The following LTN1 variants were observed in gnomAD, a reference collection of about 807,000 sequenced individuals.
LTN1 encodes E3 ubiquitin-protein ligase listerin.
LTN1 carries 88 observed loss-of-function variants against 201.2 expected under a neutral mutation model. That is an observed-to-expected ratio of 0.44 (90% confidence interval 0.37 to 0.52). The LOEUF (loss-of-function observed/expected upper bound fraction) is 0.52, where lower values mean the gene tolerates loss of function less well. Among genes scored for constraint, LTN1 ranks in the 20% least tolerant of loss-of-function variants. LTN1 has a pLI of 0.00. For missense variants in LTN1, 1,752 were observed against 2,038.7 expected, an observed-to-expected ratio of 0.86 and a Z score of 2.71; for synonymous variants, 645 against 713.5, an observed-to-expected ratio of 0.90 and a Z score of 1.53.
intron 17 of LTN1, 105 bp from the exon 18 acceptor site, chr21:28,952,369 CT>C: frequency 1.6e-6 from 1 of 616,616 alleles, no homozygotes; most frequent in South Asian, 2.5e-5. Context: ...AATAAAGCAC[CT>C]TGTGATGGCA....
intron 7 of LTN1, 49 bp downstream of exon 7, chr21:28,971,222 A>G: frequency 7.1e-7 from 1 of 1,402,086 alleles, no homozygotes; most frequent in East Asian, 2.5e-5. Context: ...GGATATTCTT[A>G]TCTCATAGGT....
chr21:28,970,948 G>A (rs1213800469), intron 7 of LTN1, among the ~76,000 whole-genome samples: 1 of 152,072 alleles, frequency 6.6e-6, no homozygotes, highest in Non-Finnish European at 1.5e-5. Context: ...TTACAATAAA[G>A]TATTGATTAG....
chr21:28,980,803 A>G (rs9978844), intron 6 of LTN1, among the ~76,000 whole-genome samples: 8,011 of 152,248 alleles, frequency 0.053, 477 homozygotes, highest in East Asian at 0.16. Context: ...CAGTGAAAGT[A>G]GAGAATGGAG....
At chr21:28,985,202 A>G (rs567867021) in intron 3 of LTN1, among the ~76,000 whole-genome samples, 13 of 152,284 alleles carry the variant, frequency 8.5e-5, no homozygotes, top group African/African-American at 3.1e-4. Flanking sequence ...GCTCGTGCCT[A>G]TAATCTCAGT....
At chr21:28,974,813 T>G (rs1325009438) in intron 6 of LTN1, among the ~76,000 whole-genome samples, 1 of 152,192 alleles carries the variant, frequency 6.6e-6, no homozygotes, top group Non-Finnish European at 1.5e-5. Context: ...TTTTAAAATT[T>G]TTTTAGAGAT....
Position 28,971,297 on chromosome 21 carries a change from C to T in LTN1, c.958G>A (p.Val320Ile), listed in dbSNP as rs1406531947. 6.2e-7 allele frequency: 1 copy of T among 1,613,774 alleles called. No individual in the cohort carries two copies. Among genetic ancestry groups the T allele is most frequent in the Non-Finnish European group, 8.5e-7 (1 of 1,179,890 alleles). Residue 320 changes from valine (V) to isoleucine (I), a missense_variant, in exon 7 of 30, where the codon GTA (valine) becomes ATA (isoleucine). Val to Ile is a conservative substitution (Grantham distance 29). Around this residue, in one of 3 missense-constraint regions of LTN1, gnomAD observed 280 missense variants for 375.7 expected, o/e 0.75. Coordinates refer to ENST00000361371, the MANE Select transcript of LTN1 (RefSeq NM_015565.3). Reference sequence around the variant, plus strand: ...TCAATAGTTGTAAGTGTATAGAGTACAGCTTCCCAGAGAGCTGGGCAGACA... The same window carrying T: ...TCAATAGTTGTAAGTGTATAGAGTATAGCTTCCCAGAGAGCTGGGCAGACA... ...PIVCPALWEA[V>I]LYTLTTIEDC... is the part of the protein sequence containing the mutation.
chr21:28,940,581 A>G (rs893620770), intron 25 of LTN1, among the ~76,000 whole-genome samples: 4 of 152,114 alleles, frequency 2.6e-5, no homozygotes, highest in African/African-American at 9.7e-5. Context: ...AAAAAAAAAC[A>G]AAAAACACAA....
rs556879248 is a variant in LTN1 at position 28,982,518 on chromosome 21, T to C, written c.577-150A>G. ...GAATCAAATAGCAAAACTGAAAGGT[T>C]TGAATTTTACCAATTTTCCTTTTCC... On this transcript the variant is annotated intron_variant, in intron 4 of 29. Transcript: ENST00000361371. 60 of 627,568 alleles carry C rather than the reference T, an allele frequency of 9.6e-5. 3 individuals are homozygous for C. The South Asian group carries it at 1.1e-3, about 12-fold the overall frequency. 38.9% of individuals were successfully genotyped at this position (627,568 alleles called of 1,614,324 possible).
Position 28,966,406 on chromosome 21 carries a change from A to G in LTN1, c.2085T>C (p.Asp695=), listed in dbSNP as rs146087919. The G allele has an allele frequency of 4.3e-6, 7 of 1,609,578 alleles. No individual in the cohort carries two copies. The East Asian group carries it at 1.6e-4, about 36-fold the overall frequency. The part of the protein sequence containing the change: ...LYSALRCCDN[D]MERKKVLDDL... The stretch of plus-strand genomic sequence containing the variant: ...CATCCAAGACTTTTTTTCTTTCCAT[A>G]TCATTGTCACAGCACCGGAGAGCAC... The change falls in exon 10 of 30, where the codon GAT becomes GAC. Residue 695 remains aspartate (D), a synonymous_variant. Coordinates refer to ENST00000361371, the MANE Select transcript of LTN1 (RefSeq NM_015565.3).
Position 28,945,706 on chromosome 21 carries a change from C to A in LTN1, c.3768+101G>T, listed in dbSNP as rs528641486. ...AGTGTTTTAAATTATACAAAGGAAC[C>A]AATTACAATCATCACTTAAAGAATG... On this transcript the variant is annotated intron_variant, in intron 21 of 29. Transcript: ENST00000361371. The A allele has an allele frequency of 3.4e-4, 355 of 1,057,624 alleles. 1 individual carries two copies. In the African/African-American group the frequency reaches 5.1e-3, roughly 15 times the overall value. 65.5% of individuals were successfully genotyped at this position (1,057,624 alleles called of 1,614,324 possible). A position where few individuals can be genotyped will look rare whatever the true frequency, so the allele number is the denominator to read the frequency against.
rs1267885016 is a variant in LTN1, at chr21:28,960,703, A to G, written c.2167T>C (p.Cys723Arg). ...NSLLKIIEKACPSSDKHALVT... is the reference protein window; with the variant it reads ...NSLLKIIEKARPSSDKHALVT... ...AAAGCATGTTTATCTGAACTAGGACATGCCTAAAACCATAAAATTAAAGCA... is the reference window on the plus strand; with the variant it reads ...AAAGCATGTTTATCTGAACTAGGACGTGCCTAAAACCATAAAATTAAAGCA... The change falls in exon 12 of 30, where the codon TGT (cysteine) becomes CGT (arginine). Residue 723 changes from cysteine to arginine, a missense_variant. Transcript: ENST00000361371. 1.2e-6 allele frequency: 2 copies of G among 1,610,386 alleles called. No homozygotes were observed. The highest frequency in any genetic ancestry group is 1.7e-6 in the Non-Finnish European group (2 of 1,177,680).
chr21:28,935,478 C>T (rs2084247648), intron 26 of LTN1, 149 bp from the exon 27 acceptor site: 1 of 605,352 alleles, frequency 1.7e-6, no homozygotes, highest in Non-Finnish European at 2.9e-6. Flanking sequence ...GAAACCAGAA[C>T]TCTGGAGTAT....
intron 4 of LTN1, among the ~76,000 whole-genome samples, chr21:28,983,105 T>C (rs553999515): frequency 1.5e-3 from 231 of 152,334 alleles, no homozygotes; most frequent in Non-Finnish European, 2.6e-3. Context: ...TCTATAATGC[T>C]GACATTTTGA....
intron 11 of LTN1, 162 bp from the exon 12 acceptor site, chr21:28,960,868 T>C (rs2084472315): frequency 1.8e-6 from 1 of 562,816 alleles, no homozygotes; most frequent in African/African-American, 1.9e-5. Flanking sequence ...ATCCTCCCTG[T>C]TCCCCATTAA....
At chr21:28,944,011 G>A in intron 22 of LTN1, 107 bp from the exon 23 acceptor site, 1 of 640,394 alleles carries the variant, frequency 1.6e-6, no homozygotes, top group Admixed American at 2.4e-5. Context: ...ATAAAAACTA[G>A]ACATAAACAA....
chr21:28,957,405 A>G lies in LTN1; in HGVS notation c.2819T>C (p.Met940Thr). ...TLLESEDSYL[M>T]GVYIGSVMPN... ...CATTACACTTCCAATATAAACTCCC[A>G]TAAGATAAGAATCTTCACTCTCTAG... Residue 940 changes from methionine to threonine, a missense_variant, in exon 15 of 30, where the codon ATG (methionine) becomes ACG (threonine). By Grantham distance (81) the Met-to-Thr change is moderately conservative (BLOSUM62 -1). Around this residue, in one of 3 missense-constraint regions of LTN1, gnomAD observed 1,211 missense variants for 1,312.8 expected, o/e 0.92. Coordinates refer to ENST00000361371, the MANE Select transcript of LTN1 (RefSeq NM_015565.3). 8 of 1,608,162 alleles carry G rather than the reference A, an allele frequency of 5.0e-6. No individual in the cohort carries two copies. The highest frequency in any genetic ancestry group is 1.1e-5 in the South Asian group (1 of 90,548).
intron 4 of LTN1, among the ~76,000 whole-genome samples, chr21:28,982,933 GAA>G (rs1394458153): frequency 6.6e-6 from 1 of 152,222 alleles, no homozygotes; most frequent in Admixed American, 6.5e-5. Context: ...TCAATCCTCA[GAA>G]CTCCATGAAG....
chr21:28,970,838 A>G (rs1344005165), intron 7 of LTN1, 96 bp from the exon 8 acceptor site: 4 of 941,862 alleles, frequency 4.2e-6, no homozygotes, highest in Non-Finnish European at 6.0e-6. Flanking sequence ...AAGAAAAACC[A>G]AGTATTTTAC....
At chr21:28,959,431 C>G in intron 13 of LTN1, 27 bp downstream of exon 13, 1 of 1,599,602 alleles carries the variant, frequency 6.3e-7, no homozygotes. Flanking sequence ...AGATTCCCAA[C>G]AAAACATTTG....
Sources: gnomAD v4.1 joint callset for allele counts (sites outside exome capture counted in the v4.1 genomes callset) on GRCh38, gnomAD v4.1.1 for gene constraint, gnomAD v4.1.1 regional missense constraint, MANE v1.5 for transcripts, NCBI Gene and HGNC (gene_info 2026-07-23, HGNC 2026-07-21) for gene names.